Variants in DBX2 observed in about 807,000 individuals in gnomAD.
DBX2 encodes homeobox protein DBX2.
A neutral mutation model predicts 17.7 loss-of-function variants in DBX2; 16 were observed. That is an observed-to-expected ratio of 0.90 (90% CI 0.61 to 1.37). The LOEUF is 1.37. Ranked by LOEUF, DBX2 falls within the 40% of genes most tolerant of loss-of-function variation. The probability of loss-of-function intolerance (pLI) is 0.00; values close to 1 mark genes in which losing one functional copy is unlikely to be tolerated. For missense variants in DBX2, 538 were observed against 433.8 expected, an observed-to-expected ratio of 1.24 and a Z score of -2.13; for synonymous variants, 255 against 183.8, an observed-to-expected ratio of 1.39 and a Z score of -3.13.
At chr12:45,037,370 A>T (rs969747244) in intron 1 of DBX2, among the ~76,000 whole-genome samples, 1 of 152,140 alleles carries the variant, frequency 6.6e-6, no homozygotes, top group Non-Finnish European at 1.5e-5. Context: ...ACAGTCAAAA[A>T]ATTTTTTAGT....
intron 3 of DBX2, among the ~76,000 whole-genome samples, chr12:45,018,465 C>G (rs976231041): frequency 2.0e-5 from 3 of 151,736 alleles, no homozygotes; most frequent in African/African-American, 7.3e-5. Flanking sequence ...GATTAAATAG[C>G]TAAATATAAA....
chr12:45,043,330 A>C (rs182991854), intron 1 of DBX2, among the ~76,000 whole-genome samples: 1 of 152,326 alleles, frequency 6.6e-6, no homozygotes, highest in African/African-American at 2.4e-5. Flanking sequence ...AGTCTTATGA[A>C]GTTCCAGAAT....
chr12:45,023,355 C>T (rs1367131211), intron 3 of DBX2, among the ~76,000 whole-genome samples: 1 of 152,168 alleles, frequency 6.6e-6, no homozygotes, highest in African/African-American at 2.4e-5. Flanking sequence ...TTTCTCTGAA[C>T]ACAGAGGAAA....
intron 2 of DBX2, among the ~76,000 whole-genome samples, chr12:45,034,015 T>C (rs917316150): frequency 1.3e-5 from 2 of 152,076 alleles, no homozygotes; most frequent in South Asian, 2.1e-4. Flanking sequence ...TTACATGCTC[T>C]ATTTACTGAA....
chr12:45,035,603 T>A (rs1201073922), intron 2 of DBX2, among the ~76,000 whole-genome samples: 1 of 152,204 alleles, frequency 6.6e-6, no homozygotes, highest in African/African-American at 2.4e-5. Flanking sequence ...TTTAAATTAT[T>A]CTCCATAGAC....
At chr12:45,027,036 A>G (rs1384109125) in intron 2 of DBX2, among the ~76,000 whole-genome samples, 1 of 152,216 alleles carries the variant, frequency 6.6e-6, no homozygotes, top group Non-Finnish European at 1.5e-5. Flanking sequence ...AATATTCTGA[A>G]TATCTCAATA....
In DBX2 at chr12:45,015,950, T is replaced by A. The variant is rs1234722381; in HGVS notation, c.*336A>T. Reference sequence around the variant, plus strand: ...AATGCAATAGTTAAAGAGAAACTAGTTTCTACTAATACATTTTAATGGATA... The same window carrying A: ...AATGCAATAGTTAAAGAGAAACTAGATTCTACTAATACATTTTAATGGATA... On this transcript the variant is annotated 3_prime_UTR_variant, in exon 4 of 4. Coordinates refer to ENST00000332700, the MANE Select transcript of DBX2 (RefSeq NM_001004329.3). 5.7e-6 allele frequency: 1 copy of A among 175,204 alleles called. No individual in the cohort carries two copies. The highest frequency in any genetic ancestry group is 1.2e-5 in the Non-Finnish European group (1 of 84,010). The allele number at this position is 175,204 out of a possible 1,614,324, so 10.9% of individuals were successfully genotyped here. A position where few individuals can be genotyped will look rare whatever the true frequency, so the allele number is the denominator to read the frequency against.
At chr12:45,045,226 A>G (rs1373710515) in intron 1 of DBX2, among the ~76,000 whole-genome samples, 5 of 152,220 alleles carry the variant, frequency 3.3e-5, no homozygotes, top group African/African-American at 1.2e-4. Flanking sequence ...TTCATTGTAT[A>G]TATAAAGAAA....
At chr12:45,022,674 G>C (rs1256989712) in intron 3 of DBX2, among the ~76,000 whole-genome samples, 2 of 152,140 alleles carry the variant, frequency 1.3e-5, no homozygotes, top group Non-Finnish European at 2.9e-5. Flanking sequence ...AGTAGAGCAT[G>C]GTGGTTTGAA....
Position 45,051,041 on chromosome 12 carries a change from G to C in DBX2, c.-114C>G. On this transcript the variant is annotated 5_prime_UTR_variant, in exon 1 of 4. Coordinates refer to ENST00000332700, the MANE Select transcript of DBX2 (RefSeq NM_001004329.3). ...CGCCGCCGCCTCCCGCAGGGCTGGA[G>C]CGCGCGGAGCCAGGCAGGGAGGAAA... is the stretch of plus-strand genomic sequence containing the variant. 8.0e-7 allele frequency: 1 copy of C among 1,250,348 alleles called. No homozygotes were observed. Among genetic ancestry groups the C allele is most frequent in the Non-Finnish European group, 1.0e-6 (1 of 988,518 alleles). 77.5% of individuals were successfully genotyped at this position (1,250,348 alleles called of 1,614,324 possible).
chr12:45,034,926 G>A (rs1417145079), intron 2 of DBX2, among the ~76,000 whole-genome samples: 3 of 152,182 alleles, frequency 2.0e-5, no homozygotes, highest in Non-Finnish European at 2.9e-5. Flanking sequence ...TGGTGAGGTC[G>A]CGTGTGGATG....
At chr12:45,031,649 T>C (rs1946411606) in intron 2 of DBX2, among the ~76,000 whole-genome samples, 1 of 152,212 alleles carries the variant, frequency 6.6e-6, no homozygotes, top group South Asian at 2.1e-4. Flanking sequence ...ACCTGGTTTT[T>C]ATATGAGAGC....
Position 45,023,796 on chromosome 12 carries a change from C to A in DBX2, c.598G>T (p.Ala200Ser). The A allele has an allele frequency of 1.2e-6, 2 of 1,613,404 alleles. No homozygotes were observed. The highest frequency in any genetic ancestry group is 1.7e-6 in the Non-Finnish European group (2 of 1,179,716). ...TGTTTCTGAAACATTTTCTCCAGAG[C>A]CTTTCTCTGGTCCTCAGAAAAGACA... is the stretch of plus-strand genomic sequence containing the variant. ...RAVFSEDQRK[A>S]LEKMFQKQKY... Residue 200 changes from alanine to serine, a missense_variant, in exon 3 of 4, where the codon GCT becomes TCT. Transcript: ENST00000332700.
Position 45,050,509 on chromosome 12 carries a change from G to A in DBX2, c.403+16C>T, listed in dbSNP as rs1037697840. ...GGCGCGGGCGCGGCTGGGGAGGGAG[G>A]GGAGAGCTGGCTCACCTGGCGCTGA... On this transcript the variant is annotated intron_variant, in intron 1 of 3. Coordinates refer to ENST00000332700, the MANE Select transcript of DBX2 (RefSeq NM_001004329.3). 49 of 1,546,764 alleles carry A rather than the reference G, an allele frequency of 3.2e-5. No homozygotes were observed. The highest frequency in any genetic ancestry group is 3.8e-5 in the Non-Finnish European group (44 of 1,146,528).
intron 3 of DBX2, among the ~76,000 whole-genome samples, chr12:45,019,536 T>C (rs1381114035): frequency 6.6e-6 from 1 of 152,088 alleles, no homozygotes; most frequent in Non-Finnish European, 1.5e-5. Flanking sequence ...TGATACAATA[T>C]TGTATTTGGA....
At chr12:45,044,618 C>A (rs1189895164) in intron 1 of DBX2, among the ~76,000 whole-genome samples, 2 of 152,092 alleles carry the variant, frequency 1.3e-5, no homozygotes, top group African/African-American at 4.8e-5. Flanking sequence ...AAATAGTCAG[C>A]AATTTTTACA....
Position 45,031,225 on chromosome 12 carries a change from T to TGTGAGA in DBX2, c.499+4793_499+4794insTCTCAC, listed in dbSNP as rs1377897653. Among the ~76,000 whole-genome samples, 333 of 85,630 alleles carry TGTGAGA rather than the reference T, an allele frequency of 3.9e-3. 1 individual carries two copies. The highest frequency in any genetic ancestry group is 5.1e-3 in the African/African-American group (111 of 21,734). 56.2% of individuals were successfully genotyped at this position (85,630 alleles called of 152,430 possible). On this transcript the variant is annotated intron_variant, in intron 2 of 3. Transcript: ENST00000332700. ...GTGTGTGTGTGTGTGTGTGTGTGTG[T>TGTGAGA]GAGAGAGAGAGAGAGAGAGAGAGAG...
intron 3 of DBX2, 114 bp from the exon 4 acceptor site, chr12:45,016,732 C>T: frequency 1.0e-6 from 1 of 978,474 alleles, no homozygotes; most frequent in Admixed American, 3.3e-5. Flanking sequence ...ATTATGACAG[C>T]CAACCTCAAA....
At chr12:45,023,056 T>C (rs1946362063) in intron 3 of DBX2, among the ~76,000 whole-genome samples, 2 of 152,242 alleles carry the variant, frequency 1.3e-5, no homozygotes, top group Admixed American at 1.3e-4. Flanking sequence ...CCTAGTGCCT[T>C]ATGATATTAT....
Sources: gnomAD v4.1 joint callset for allele counts (sites outside exome capture counted in the v4.1 genomes callset) on GRCh38, gnomAD v4.1.1 for gene constraint, MANE v1.5 for transcripts, NCBI Gene and HGNC (gene_info 2026-07-23, HGNC 2026-07-21) for gene names.